The following NLRP5 variants were observed in gnomAD, a reference collection of about 807,000 sequenced individuals.
NLRP5 encodes the protein NACHT, LRR and PYD domains-containing protein 5.
A neutral mutation model predicts 113.1 loss-of-function variants in NLRP5; 93 were observed. The observed-to-expected ratio is 0.82, with a 90% CI of 0.70 to 0.98. The LOEUF (loss-of-function observed/expected upper bound fraction) is 0.98, where lower values mean the gene tolerates loss of function less well. Ranked by LOEUF, NLRP5 falls within the 50% of genes least tolerant of loss-of-function variation. The pLI is 0.00. For synonymous variants in NLRP5, 751 were observed against 600.7 expected (o/e 1.25, Z -3.66); for missense variants, 1,808 against 1,514.3 (o/e 1.19, Z -3.22).
chr19:56,059,654 C>CCT (rs1425834417), intron 14 of NLRP5, among the ~76,000 whole-genome samples: 1 of 152,162 alleles, frequency 6.6e-6, no homozygotes, highest in Non-Finnish European at 1.5e-5. Context: ...GCTGCCTCAG[C>CCT]CTCCTGAGTG....
chr19:56,029,554 C>T (rs780208473), intron 7 of NLRP5, among the ~76,000 whole-genome samples: 1 of 152,180 alleles, frequency 6.6e-6, no homozygotes, highest in Non-Finnish European at 1.5e-5. Context: ...GCATAAGCTG[C>T]TGTGCCCGGC....
At chr19:55,987,737 A>C in the NLRP5 span, 2 of 1,075,784 alleles carry the variant, frequency 1.9e-6, no homozygotes, top group Non-Finnish European at 2.9e-6. Context: ...AAGCATAGAG[A>C]CAAAATGCAA....
Position 56,061,717 on chromosome 19 carries a change from A to C in NLRP5, c.*189A>C, listed in dbSNP as rs1984362119. The C allele has an allele frequency of 1.6e-6, 1 of 617,932 alleles. No individual in the cohort carries two copies. Among genetic ancestry groups the C allele is most frequent in the Admixed American group, 3.0e-5 (1 of 33,386 alleles). The allele number at this position is 617,932 out of a possible 1,614,324, so 38.3% of individuals were successfully genotyped here. On this transcript the variant is annotated 3_prime_UTR_variant, in exon 15 of 15. Coordinates refer to ENST00000390649, the MANE Select transcript of NLRP5 (RefSeq NM_153447.4). Reference sequence around the variant, plus strand: ...GTTGGTTACTGGATTTGAAGGCTAGAGACCTTCAAGTCATAGGACTCAGTA... The same window carrying C: ...GTTGGTTACTGGATTTGAAGGCTAGCGACCTTCAAGTCATAGGACTCAGTA...
At chr19:56,050,351 C>A in intron 11 of NLRP5, 67 bp from the exon 12 acceptor site, 1 of 1,454,732 alleles carries the variant, frequency 6.9e-7, no homozygotes, top group Non-Finnish European at 9.5e-7. Context: ...AGGAGAGCAG[C>A]AGCTCACTTG....
chr19:56,014,977 T>C (rs993951800), intron 3 of NLRP5, among the ~76,000 whole-genome samples: 1 of 152,212 alleles, frequency 6.6e-6, no homozygotes, highest in South Asian at 2.1e-4. Flanking sequence ...GATTGCATTA[T>C]GTCATGTAGA....
intron 8 of NLRP5, among the ~76,000 whole-genome samples, chr19:56,033,202 G>C (rs190945750): frequency 1.3e-5 from 2 of 152,276 alleles, no homozygotes; most frequent in African/African-American, 4.8e-5. Flanking sequence ...AGTGAGCCAA[G>C]ATCGCACCAC....
chr19:56,003,942 C>A lies in NLRP5; in HGVS notation c.289C>A (p.Pro97Thr). 1 of 1,614,010 alleles carries A rather than the reference C, an allele frequency of 6.2e-7. No individual in the cohort carries two copies. ...TTCAGAATCGACCACATGCTCTATT[C>A]CACAGTTTGAAATCGAGAATGCCAA... Residue 97 changes from proline (P) to threonine (T), a missense_variant, in exon 2 of 15, where the codon CCA becomes ACA. By Grantham distance (38) the Pro-to-Thr change is conservative (BLOSUM62 -1). Transcript: ENST00000390649.
chr19:56,007,898 C>CACAGAAAGAAGTAGAAATGGAAGAT lies in NLRP5; in HGVS notation c.443-890_443-889insACAGAAAGAAGTAGAAATGGAAGAT. 7.2e-5 allele frequency among the ~76,000 whole-genome samples: 3 copies of CACAGAAAGAAGTAGAAATGGAAGAT among 41,400 alleles called. 1 individual carries two copies. Among genetic ancestry groups the CACAGAAAGAAGTAGAAATGGAAGAT allele is most frequent in the African/African-American group, 2.0e-4 (3 of 14,936 alleles). 27.2% of individuals were successfully genotyped at this position (41,400 alleles called of 152,430 possible). ...GTGTGTGTGTGTGTGTGCGCGTGCG[C>CACAGAAAGAAGTAGAAATGGAAGAT]GCGTGCGTGTGTGTGTGTGTGTGTG... On this transcript the variant is annotated intron_variant, in intron 2 of 14. Transcript: ENST00000390649.
intron 11 of NLRP5, among the ~76,000 whole-genome samples, chr19:56,043,459 ATTTG>A (rs1441133179): frequency 2.3e-5 from 3 of 131,250 alleles, no homozygotes; most frequent in South Asian, 2.6e-4. Flanking sequence ...TTTTTCTTGG[ATTTG>A]TTTGAGTTCG....
the NLRP5 span, chr19:55,987,707 A>AG: frequency 1.3e-6 from 1 of 754,150 alleles, no homozygotes; most frequent in Admixed American, 2.0e-5. Context: ...GTGAGGTGGG[A>AG]GGGGTACGGT....
intron 11 of NLRP5, among the ~76,000 whole-genome samples, chr19:56,046,542 T>A (rs1983733921): frequency 6.7e-6 from 1 of 148,450 alleles, no homozygotes; most frequent in Non-Finnish European, 1.5e-5. Context: ...TGGTACCACT[T>A]CTTGTTTTTT....
intron 4 of NLRP5, among the ~76,000 whole-genome samples, chr19:56,016,485 A>G (rs1368226819): frequency 4.6e-5 from 7 of 152,126 alleles, no homozygotes; most frequent in Admixed American, 2.6e-4. Context: ...TCTTTTAGCT[A>G]TTTTGAAATA....
At chr19:56,047,901 C>T (rs12459806) in intron 11 of NLRP5, among the ~76,000 whole-genome samples, 50,484 of 151,884 alleles carry the variant, frequency 0.33, 8,619 homozygotes, top group Non-Finnish European at 0.37. Flanking sequence ...AATTTAGGAC[C>T]TCCAGTGTTA....
At chr19:56,057,126 A>T (rs567696810) in intron 13 of NLRP5, among the ~76,000 whole-genome samples, 11 of 152,256 alleles carry the variant, frequency 7.2e-5, no homozygotes, top group African/African-American at 2.6e-4. Flanking sequence ...ATAGAGCAAG[A>T]CTCAGTCTGT....
intron 11 of NLRP5, 103 bp from the exon 12 acceptor site, chr19:56,050,315 C>G (rs1247692906): frequency 1.0e-5 from 11 of 1,105,298 alleles, no homozygotes; most frequent in Non-Finnish European, 1.4e-5. Flanking sequence ...TGACCCCACC[C>G]TACACAGAAG....
At chr19:56,012,978 G>C (rs1238032469) in intron 3 of NLRP5, among the ~76,000 whole-genome samples, 1 of 152,016 alleles carries the variant, frequency 6.6e-6, no homozygotes, top group African/African-American at 2.4e-5. Flanking sequence ...TATTAACAAA[G>C]TTGTGTAACC....
At chr19:56,041,630 G>A (rs1462814270) in intron 11 of NLRP5, among the ~76,000 whole-genome samples, 1 of 152,110 alleles carries the variant, frequency 6.6e-6, no homozygotes, top group East Asian at 1.9e-4. Flanking sequence ...GCACTTTGGC[G>A]CTATGCTAGG....
At chr19:56,029,646 T>C (rs1983015552) in intron 7 of NLRP5, among the ~76,000 whole-genome samples, 1 of 152,210 alleles carries the variant, frequency 6.6e-6, no homozygotes, top group Non-Finnish European at 1.5e-5. Flanking sequence ...CTGGACTGTC[T>C]CAGTGTCATC....
intron 11 of NLRP5, among the ~76,000 whole-genome samples, chr19:56,044,286 A>G (rs1025295991): frequency 9.3e-5 from 14 of 149,788 alleles, no homozygotes; most frequent in African/African-American, 3.4e-4. Flanking sequence ...CTGGTCTCGA[A>G]CTCCTGATAT....
Sources: allele counts gnomAD v4.1 joint callset (sites outside exome capture counted in the v4.1 genomes callset), GRCh38; gene constraint gnomAD v4.1.1; transcripts MANE v1.5; gene names NCBI Gene and HGNC (gene_info 2026-07-23, HGNC 2026-07-21).